The following GPHN variants were observed in gnomAD, a reference collection of about 807,000 sequenced individuals.
GPHN encodes the protein gephyrin.
GPHN carries 17 observed loss-of-function variants against 95.5 expected under a neutral mutation model. That is an observed-to-expected ratio of 0.18 (90% CI 0.12 to 0.27). The LOEUF (loss-of-function observed/expected upper bound fraction) is 0.27. GPHN is among the 10% of genes least tolerant of loss of function. GPHN has a pLI of 1.00. For synonymous variants in GPHN, 320 were observed against 322.5 expected (o/e 0.99, Z 0.08); for missense variants, 660 against 978.1 (o/e 0.67, Z 4.34).
chr14:67,287,541 AGATT>A, the GPHN span, among the ~76,000 whole-genome samples: 1 of 152,234 alleles, frequency 6.6e-6, no homozygotes. Context: ...AAAAATTAAA[AGATT>A]GATAATTCTT....
At chr14:67,522,611 C>T in the GPHN span, among the ~76,000 whole-genome samples, 2 of 152,190 alleles carry the variant, frequency 1.3e-5, no homozygotes, top group Admixed American at 6.5e-5. Flanking sequence ...GACTTGGCAA[C>T]ATTAATAGGT....
At chr14:67,348,694 G>A in the GPHN span, among the ~76,000 whole-genome samples, 1 of 141,154 alleles carries the variant, frequency 7.1e-6, no homozygotes, top group Non-Finnish European at 1.5e-5. Context: ...GCTAATTTTT[G>A]TATTATTAGT....
At chr14:67,663,879 T>C in the GPHN span, among the ~76,000 whole-genome samples, 1 of 152,220 alleles carries the variant, frequency 6.6e-6, no homozygotes, top group Admixed American at 6.5e-5. Context: ...ACTTAGATAA[T>C]TTCCTTCATT....
chr14:66,594,763 C>G (rs1773935465), intron 1 of GPHN, among the ~76,000 whole-genome samples: 2 of 152,086 alleles, frequency 1.3e-5, no homozygotes, highest in African/African-American at 2.4e-5. Context: ...TATGATCACA[C>G]GTACTTTGGA....
intron 2 of GPHN, among the ~76,000 whole-genome samples, chr14:66,720,066 A>G (rs572472971): frequency 1.7e-4 from 26 of 152,322 alleles, no homozygotes; most frequent in African/African-American, 6.3e-4. Context: ...TAAAAGTGAC[A>G]TAGAATCTAA....
the GPHN span, chr14:67,587,092 A>G: frequency 6.2e-7 from 1 of 1,610,698 alleles, no homozygotes; most frequent in Admixed American, 1.7e-5. Context: ...AGCTACCTTC[A>G]TCATGGCCAG....
the GPHN span, among the ~76,000 whole-genome samples, chr14:67,450,236 AT>A: frequency 6.6e-6 from 1 of 152,060 alleles, no homozygotes; most frequent in Non-Finnish European, 1.5e-5. Flanking sequence ...TCTTTTGTAA[AT>A]TGCCCAGTCT....
At chr14:67,627,600 A>G in the GPHN span, among the ~76,000 whole-genome samples, 1 of 152,174 alleles carries the variant, frequency 6.6e-6, no homozygotes, top group Non-Finnish European at 1.5e-5. Flanking sequence ...GTAAGGCTGT[A>G]TGATCCACCA....
chr14:67,032,170 G>T (rs988842579), intron 10 of GPHN, among the ~76,000 whole-genome samples: 1 of 152,184 alleles, frequency 6.6e-6, no homozygotes, highest in Non-Finnish European at 1.5e-5. Context: ...CCTACTCATG[G>T]TTTCTTTCTG....
At chr14:67,399,923 C>T in the GPHN span, among the ~76,000 whole-genome samples, 9 of 152,146 alleles carry the variant, frequency 5.9e-5, no homozygotes, top group Non-Finnish European at 1.2e-4. Context: ...TGGGATATTT[C>T]CAAAGCCGAG....
intron 1 of GPHN, among the ~76,000 whole-genome samples, chr14:66,631,017 CT>C (rs937181239): frequency 7.2e-5 from 11 of 151,852 alleles, no homozygotes; most frequent in African/African-American, 2.7e-4. Context: ...TGTAGTTTTT[CT>C]TTAATTGCAG....
chr14:67,348,307 C>T, the GPHN span, among the ~76,000 whole-genome samples: 4 of 151,898 alleles, frequency 2.6e-5, no homozygotes, highest in African/African-American at 4.8e-5. Flanking sequence ...CGACCTCAGG[C>T]GATCCGCCCA....
chr14:66,955,974 G>A (rs1004083050), intron 8 of GPHN, among the ~76,000 whole-genome samples: 3 of 152,148 alleles, frequency 2.0e-5, no homozygotes, highest in African/African-American at 7.2e-5. Flanking sequence ...ATTTGGGTTG[G>A]TTCCAAGTCT....
chr14:67,014,089 C>T (rs2073162188), intron 9 of GPHN, among the ~76,000 whole-genome samples: 1 of 151,900 alleles, frequency 6.6e-6, no homozygotes, highest in Non-Finnish European at 1.5e-5. Flanking sequence ...GTCAAAATCA[C>T]ACACACGCAA....
the GPHN span, among the ~76,000 whole-genome samples, chr14:67,619,239 G>T: frequency 1.3e-5 from 2 of 152,194 alleles, no homozygotes; most frequent in Non-Finnish European, 2.9e-5. Context: ...GTCTAAATAC[G>T]TTGCTATATT....
At chr14:67,197,721 A>T in the GPHN span, among the ~76,000 whole-genome samples, 1 of 152,190 alleles carries the variant, frequency 6.6e-6, no homozygotes, top group African/African-American at 2.4e-5. Flanking sequence ...ATCCTGCATG[A>T]TGAAGAGGGT....
At chr14:66,957,471 C>T (rs564178160) in intron 8 of GPHN, among the ~76,000 whole-genome samples, 16 of 152,178 alleles carry the variant, frequency 1.1e-4, no homozygotes, top group Non-Finnish European at 2.2e-4. Flanking sequence ...GTTGGGATTA[C>T]AGGCATGAGC....
chr14:67,340,412 T>G, the GPHN span: 53 of 1,592,314 alleles, frequency 3.3e-5, no homozygotes, highest in Non-Finnish European at 4.6e-5. Flanking sequence ...AAACAAAAGA[T>G]GATCAATAAC....
At chr14:66,526,134 A>G (rs2058681941) in intron 1 of GPHN, among the ~76,000 whole-genome samples, 1 of 152,084 alleles carries the variant, frequency 6.6e-6, no homozygotes, top group Non-Finnish European at 1.5e-5. Flanking sequence ...ATGTTTTTCC[A>G]TTTCATTGTG....
Sources: gnomAD v4.1 joint callset for allele counts (sites outside exome capture counted in the v4.1 genomes callset) on GRCh38, gnomAD v4.1.1 for gene constraint, MANE v1.5 for transcripts, NCBI Gene and HGNC (gene_info 2026-07-23, HGNC 2026-07-21) for gene names.